FHIT: variants seen among roughly 807,000 people sequenced by gnomAD.
FHIT encodes bis(5'-adenosyl)-triphosphatase.
A neutral mutation model predicts 17.9 loss-of-function variants in FHIT; 19 were observed. The observed-to-expected ratio is 1.06, with a 90% CI of 0.74 to 1.56. The LOEUF is 1.56. Ranked by LOEUF, FHIT falls within the 40% of genes most tolerant of loss-of-function variation. FHIT has a pLI of 0.00. For missense variants in FHIT, 248 were observed against 189.2 expected (o/e 1.31, Z -1.82); for synonymous variants, 81 against 69.7 (o/e 1.16, Z -0.81).
intron 1 of FHIT, among the ~76,000 whole-genome samples, chr3:61,204,590 G>A (rs1255108504): frequency 6.6e-6 from 1 of 152,136 alleles, no homozygotes; most frequent in Non-Finnish European, 1.5e-5. Context: ...AAGTCCAGCT[G>A]TGTCAGGAAT....
At chr3:61,109,477 G>A (rs1164144924) in intron 2 of FHIT, among the ~76,000 whole-genome samples, 1 of 152,044 alleles carries the variant, frequency 6.6e-6, no homozygotes, top group African/African-American at 2.4e-5. Flanking sequence ...AAGTAAATAT[G>A]CCATATAAAC....
intron 2 of FHIT, among the ~76,000 whole-genome samples, chr3:61,189,659 C>T (rs1205090836): frequency 2.0e-5 from 3 of 152,224 alleles, no homozygotes; most frequent in Non-Finnish European, 4.4e-5. Flanking sequence ...AAGCTGGAGG[C>T]ATCACGCTAC....
intron 5 of FHIT, among the ~76,000 whole-genome samples, chr3:60,415,824 AAAT>A (rs1463248562): frequency 5.3e-5 from 8 of 149,578 alleles, no homozygotes; most frequent in African/African-American, 9.7e-5. Context: ...CTCATCTATA[AAAT>A]AATAATAATT....
intron 5 of FHIT, among the ~76,000 whole-genome samples, chr3:60,116,159 T>C (rs928328025): frequency 6.6e-6 from 1 of 152,174 alleles, no homozygotes. Flanking sequence ...AGTAGACAGA[T>C]ACAAAGACAT....
chr3:60,658,223 A>T (rs962992481), intron 4 of FHIT, among the ~76,000 whole-genome samples: 2 of 152,154 alleles, frequency 1.3e-5, no homozygotes, highest in African/African-American at 4.8e-5. Context: ...TTCACTTAGC[A>T]TAATGTCCTC....
intron 5 of FHIT, among the ~76,000 whole-genome samples, chr3:60,261,240 G>A (rs1400434353): frequency 6.6e-6 from 1 of 151,940 alleles, no homozygotes; most frequent in Non-Finnish European, 1.5e-5. Context: ...TTCCTTGCAT[G>A]AGGTCCAAGA....
chr3:59,895,133 C>T (rs1575656861), intron 8 of FHIT, among the ~76,000 whole-genome samples: 1 of 152,336 alleles, frequency 6.6e-6, no homozygotes, highest in African/African-American at 2.4e-5. Context: ...TGCTACAAAA[C>T]ATCTCACTAT....
intron 8 of FHIT, among the ~76,000 whole-genome samples, chr3:59,831,625 C>T (rs1230562498): frequency 3.3e-5 from 5 of 152,052 alleles, no homozygotes; most frequent in African/African-American, 7.2e-5. Context: ...CCAGATAGAG[C>T]CACAAGTTAC....
At chr3:60,052,744 A>AAT (rs1701931809) in intron 5 of FHIT, among the ~76,000 whole-genome samples, 1 of 148,664 alleles carries the variant, frequency 6.7e-6, no homozygotes, top group Non-Finnish European at 1.5e-5. Context: ...GTATGTCTAA[A>AAT]ATATATATAC....
chr3:60,317,879 C>A (rs567284523), intron 5 of FHIT, among the ~76,000 whole-genome samples: 52 of 151,482 alleles, frequency 3.4e-4, no homozygotes, highest in Non-Finnish European at 6.5e-4. Context: ...CAACCTCCAC[C>A]TCCTAGGTTC....
chr3:60,769,501 A>C (rs781828686), intron 4 of FHIT, among the ~76,000 whole-genome samples: 1 of 152,338 alleles, frequency 6.6e-6, no homozygotes. Flanking sequence ...AGCCGAGTTA[A>C]ATTTAAAGGA....
At chr3:60,680,021 C>T (rs782348860) in intron 4 of FHIT, among the ~76,000 whole-genome samples, 4 of 152,020 alleles carry the variant, frequency 2.6e-5, no homozygotes, top group Admixed American at 6.6e-5. Flanking sequence ...TGAACATGTA[C>T]GTTTTCCTGA....
At chr3:60,437,900 A>C (rs542229547) in intron 5 of FHIT, among the ~76,000 whole-genome samples, 4 of 152,130 alleles carry the variant, frequency 2.6e-5, no homozygotes, top group Admixed American at 2.0e-4. Flanking sequence ...GAATTAATAG[A>C]TATCTACACA....
chr3:60,546,470 T>C (rs374793953), intron 4 of FHIT, among the ~76,000 whole-genome samples: 5 of 152,206 alleles, frequency 3.3e-5, no homozygotes, highest in African/African-American at 1.2e-4. Context: ...CTAACTTTTA[T>C]GCTGAATTGA....
At chr3:60,432,184 C>G (rs1170159065) in intron 5 of FHIT, among the ~76,000 whole-genome samples, 1 of 152,090 alleles carries the variant, frequency 6.6e-6, no homozygotes, top group Non-Finnish European at 1.5e-5. Flanking sequence ...TCATGTTGCC[C>G]AGGCTGGTCT....
At chr3:60,324,077 A>T (rs1039644888) in intron 5 of FHIT, among the ~76,000 whole-genome samples, 24 of 152,172 alleles carry the variant, frequency 1.6e-4, no homozygotes, top group Non-Finnish European at 1.6e-4. Flanking sequence ...TGCTGATAAG[A>T]AACAGCTGGT....
intron 1 of FHIT, among the ~76,000 whole-genome samples, chr3:61,202,466 T>C (rs1260168233): frequency 6.6e-6 from 1 of 151,654 alleles, no homozygotes; most frequent in Non-Finnish European, 1.5e-5. Flanking sequence ...TTTTCTGTTC[T>C]TCCCCAAGTT....
chr3:59,933,512 A>G (rs1037234674), intron 7 of FHIT, among the ~76,000 whole-genome samples: 6 of 152,148 alleles, frequency 3.9e-5, no homozygotes, highest in Non-Finnish European at 7.4e-5. Context: ...ACTGGAATTA[A>G]ATAAATTGTG....
At chr3:61,209,340 T>C (rs138160204) in intron 1 of FHIT, among the ~76,000 whole-genome samples, 187 of 152,314 alleles carry the variant, frequency 1.2e-3, no homozygotes, top group African/African-American at 4.3e-3. Context: ...ATTCTCTGTA[T>C]TTCCTAAATC....
Sources: gnomAD v4.1 joint callset for allele counts (sites outside exome capture counted in the v4.1 genomes callset) on GRCh38, gnomAD v4.1.1 for gene constraint, MANE v1.5 for transcripts, NCBI Gene and HGNC (gene_info 2026-07-23, HGNC 2026-07-21) for gene names.